SMARCC1: variants seen among roughly 807,000 people sequenced by gnomAD.
SMARCC1 encodes the protein SWI/SNF related BAF chromatin remodeling complex subunit C1, also known as SWI/SNF complex subunit SMARCC1.
In SMARCC1, 43 loss-of-function variants were observed where a neutral mutation model predicts 147.4. That is an observed-to-expected ratio of 0.29 (90% confidence interval 0.23 to 0.38). The LOEUF (loss-of-function observed/expected upper bound fraction) is 0.38. SMARCC1 is among the 10% of genes least tolerant of loss of function. SMARCC1 has a pLI of 1.00. For missense variants in SMARCC1, 1,119 were observed against 1,381.1 expected (o/e 0.81, Z 3.01); for synonymous variants, 495 against 484.4 (o/e 1.02, Z -0.29).
At chr3:47,665,257 A>G (rs2106741340) in intron 19 of SMARCC1, among the ~76,000 whole-genome samples, 1 of 152,312 alleles carries the variant, frequency 6.6e-6, no homozygotes, top group Non-Finnish European at 1.5e-5. Context: ...TTGAAAAACT[A>G]GGCTAATTCT....
chr3:47,662,271 T>TA, intron 20 of SMARCC1, 63 bp downstream of exon 20: 1 of 1,341,314 alleles, frequency 7.5e-7, no homozygotes, highest in Non-Finnish European at 1.0e-6. Context: ...TAACGGCTGG[T>TA]AATATTTAAA....
At chr3:47,665,201 A>T (rs1333505836) in intron 19 of SMARCC1, among the ~76,000 whole-genome samples, 1 of 152,076 alleles carries the variant, frequency 6.6e-6, no homozygotes, top group Admixed American at 6.6e-5. Context: ...ATGGTAGAGG[A>T]CTTCTCAAAA....
chr3:47,727,662 C>T (rs756018372), intron 6 of SMARCC1, among the ~76,000 whole-genome samples: 23 of 151,564 alleles, frequency 1.5e-4, no homozygotes, highest in Non-Finnish European at 2.9e-4. Flanking sequence ...CTTGCCCGGG[C>T]TAGAGCGCAG....
chr3:47,674,265 G>A (rs182654406), intron 18 of SMARCC1, among the ~76,000 whole-genome samples: 15 of 152,304 alleles, frequency 9.8e-5, no homozygotes, highest in Admixed American at 9.8e-4. Flanking sequence ...ATGGAGTCAT[G>A]TGCTTTCATC....
intron 10 of SMARCC1, among the ~76,000 whole-genome samples, chr3:47,705,322 T>TC (rs1216683955): frequency 1.4e-4 from 3 of 21,124 alleles, no homozygotes; most frequent in African/African-American, 3.2e-4. Context: ...AGACTCCGTC[T>TC]CAAAAAAAAA....
chr3:47,673,308 C>A (rs12633604), intron 18 of SMARCC1, among the ~76,000 whole-genome samples: 6 of 148,406 alleles, frequency 4.0e-5, no homozygotes, highest in Non-Finnish European at 7.4e-5. Flanking sequence ...GAGAACTGGT[C>A]GAACCCGGGA....
At chr3:47,679,511 A>G (rs751432425) in intron 15 of SMARCC1, among the ~76,000 whole-genome samples, 1 of 152,190 alleles carries the variant, frequency 6.6e-6, no homozygotes, top group Non-Finnish European at 1.5e-5. Context: ...TAAAGATTCT[A>G]TTTTCTCCTG....
At chr3:47,614,258 C>G (rs2032606653) in intron 25 of SMARCC1, among the ~76,000 whole-genome samples, 3 of 152,164 alleles carry the variant, frequency 2.0e-5, no homozygotes, top group Admixed American at 6.5e-5. Context: ...AAAAAGGGAG[C>G]CTGCATCATT....
chr3:47,763,119 T>A (rs1419625392), intron 2 of SMARCC1, among the ~76,000 whole-genome samples: 1 of 151,644 alleles, frequency 6.6e-6, no homozygotes, highest in African/African-American at 2.4e-5. Context: ...AATAGGTGTA[T>A]CCATCTCCTC....
chr3:47,675,502 G>A lies in SMARCC1; in HGVS notation c.1812C>T (p.Asp604=), dbSNP rs1174036324. ...TTGCTAATGTTTTCTTGGAGTAAAT[G>A]TCAGTACGGAGACCAAAGTTCTGCA... ...VDLQNFGLRT[D]IYSKKTLAKS... Residue 604 remains aspartate, a synonymous_variant, in exon 18 of 28, where the codon GAC becomes GAT. Transcript: ENST00000254480. 4.4e-6 allele frequency: 7 copies of A among 1,605,330 alleles called. No homozygotes were observed. Among genetic ancestry groups the A allele is most frequent in the South Asian group, 1.1e-5 (1 of 90,936 alleles).
intron 6 of SMARCC1, among the ~76,000 whole-genome samples, chr3:47,728,259 G>A (rs1030868234): frequency 6.7e-6 from 1 of 148,712 alleles, no homozygotes; most frequent in Non-Finnish European, 1.5e-5. Flanking sequence ...GCTAATTTTT[G>A]GTATTTTTAG....
chr3:47,781,569 T>G, intron 1 of SMARCC1, 34 bp downstream of exon 1: 1 of 1,450,100 alleles, frequency 6.9e-7, no homozygotes, highest in Non-Finnish European at 9.1e-7. Flanking sequence ...CCCGGTCGCG[T>G]GGTCTCCCGG....
chr3:47,667,240 C>T (rs1176651354), intron 19 of SMARCC1, among the ~76,000 whole-genome samples: 1 of 151,726 alleles, frequency 6.6e-6, no homozygotes, highest in Non-Finnish European at 1.5e-5. Flanking sequence ...ATAGTGTGAA[C>T]CCGGGAGGCG....
chr3:47,631,827 A>G (rs1449632296), intron 24 of SMARCC1, among the ~76,000 whole-genome samples: 1 of 152,202 alleles, frequency 6.6e-6, no homozygotes, highest in Non-Finnish European at 1.5e-5. Flanking sequence ...GTTATATATT[A>G]ATTATAGTAA....
chr3:47,780,181 T>TG (rs1467619803), intron 1 of SMARCC1, among the ~76,000 whole-genome samples: 72 of 142,166 alleles, frequency 5.1e-4, no homozygotes, highest in African/African-American at 1.8e-3. Flanking sequence ...TTTTTTTTTT[T>TG]TTTTTTTTTG....
chr3:47,768,615 TACTATATTATAGTGAATTAAACTATTG>T (rs1159690448), intron 2 of SMARCC1, among the ~76,000 whole-genome samples: 1 of 152,184 alleles, frequency 6.6e-6, no homozygotes, highest in Non-Finnish European at 1.5e-5. Context: ...AATCAATATG[TACTATATTATAGTGAATTAAACTATTG>T]AAAACCTCAA....
intron 24 of SMARCC1, among the ~76,000 whole-genome samples, chr3:47,622,873 A>G (rs180908210): frequency 6.6e-6 from 1 of 152,338 alleles, no homozygotes; most frequent in African/African-American, 2.4e-5. Context: ...AAATAAATAC[A>G]GTACTAAACA....
intron 26 of SMARCC1, chr3:47,604,812 C>T (rs952444062): frequency 1.4e-5 from 2 of 147,756 alleles, no homozygotes; most frequent in African/African-American, 5.0e-5. Context: ...GATTCCCGTG[C>T]CTCGGCCTCC....
intron 3 of SMARCC1, among the ~76,000 whole-genome samples, chr3:47,741,603 ATGAGTATCTT>A (rs1332372908): frequency 6.6e-6 from 1 of 151,750 alleles, no homozygotes; most frequent in Admixed American, 6.6e-5. Flanking sequence ...GAAGACAAGG[ATGAGTATCTT>A]TACGATACAC....
Sources: gnomAD v4.1 joint callset for allele counts (sites outside exome capture counted in the v4.1 genomes callset) on GRCh38, gnomAD v4.1.1 for gene constraint, MANE v1.5 for transcripts, NCBI Gene and HGNC (gene_info 2026-07-23, HGNC 2026-07-21) for gene names.